Variants in LTBP1 observed in about 807,000 individuals in gnomAD.
LTBP1 encodes the protein latent transforming growth factor beta binding protein 1.
Under a neutral mutation model 207.6 loss-of-function variants are expected in LTBP1, and 129 were observed. The observed-to-expected ratio is 0.62, with a 90% confidence interval of 0.54 to 0.72. The LOEUF is 0.72. LTBP1 is among the 30% of genes least tolerant of loss of function. The pLI is 0.00. For synonymous variants in LTBP1, 963 were observed against 833.7 expected (o/e 1.16, Z -2.67); for missense variants, 2,281 against 2,217.2 (o/e 1.03, Z -0.58).
At chr2:33,055,440 A>G (rs2076950307) in intron 3 of LTBP1, among the ~76,000 whole-genome samples, 1 of 152,122 alleles carries the variant, frequency 6.6e-6, no homozygotes, top group Non-Finnish European at 1.5e-5. Flanking sequence ...AGGTCAACAG[A>G]TGTTTACAAC....
In LTBP1 at chr2:33,364,343, G is replaced by A. The variant is rs769364870; in HGVS notation, c.4527G>A (p.Pro1509=). 1.4e-5 allele frequency: 23 copies of A among 1,613,062 alleles called. No individual in the cohort carries two copies. The highest frequency in any genetic ancestry group is 1.6e-5 in the Non-Finnish European group (19 of 1,179,750). ...LDASEKRCIR[P]AESNEQIEET... ...CGTCAGAAAAAAGATGTATACGACC[G>A]GCTGAGTCAAACGGTATGTTTCCAG... The change falls in exon 30 of 34, where the codon CCG becomes CCA. Residue 1509 remains proline, a synonymous_variant. Coordinates refer to ENST00000404816, the MANE Select transcript of LTBP1 (RefSeq NM_206943.4).
chr2:33,177,232 G>A (rs2086155265), intron 5 of LTBP1, among the ~76,000 whole-genome samples: 1 of 152,168 alleles, frequency 6.6e-6, no homozygotes, highest in South Asian at 2.1e-4. Context: ...ATATCTCCTA[G>A]CACATTGCCT....
At chr2:33,190,060 G>C (rs553574062) in intron 7 of LTBP1, among the ~76,000 whole-genome samples, 3 of 152,204 alleles carry the variant, frequency 2.0e-5, no homozygotes, top group Admixed American at 6.5e-5. Context: ...TAACTTGCAA[G>C]GTGTAGTGCA....
chr2:33,197,941 T>G (rs1233804874), intron 7 of LTBP1, among the ~76,000 whole-genome samples: 3 of 152,160 alleles, frequency 2.0e-5, no homozygotes, highest in Non-Finnish European at 4.4e-5. Flanking sequence ...TCAGAAAATT[T>G]TACATATAAA....
At chr2:32,954,732 T>G (rs1304570481) in intron 2 of LTBP1, among the ~76,000 whole-genome samples, 1 of 151,976 alleles carries the variant, frequency 6.6e-6, no homozygotes, top group Non-Finnish European at 1.5e-5. Context: ...GTTGGAGAGA[T>G]GGGCTATTCA....
chr2:33,124,435 A>G (rs1425863412), intron 4 of LTBP1, among the ~76,000 whole-genome samples: 2 of 152,194 alleles, frequency 1.3e-5, no homozygotes, highest in East Asian at 3.8e-4. Flanking sequence ...ATTCAAATGC[A>G]GAGTAAACCT....
intron 18 of LTBP1, 23 bp from the exon 19 acceptor site, chr2:33,280,016 G>A (rs774268034): frequency 1.2e-5 from 20 of 1,612,056 alleles, no homozygotes; most frequent in African/African-American, 6.7e-5. Context: ...AAATGTTCAC[G>A]ACCTAGGTTT....
At chr2:33,315,662 C>A (rs180867388) in intron 24 of LTBP1, among the ~76,000 whole-genome samples, 2 of 152,272 alleles carry the variant, frequency 1.3e-5, no homozygotes, top group East Asian at 3.9e-4. Context: ...AAATGTCTTG[C>A]GGCTGGGTGC....
intron 26 of LTBP1, among the ~76,000 whole-genome samples, chr2:33,358,022 C>G (rs1400009779): frequency 6.6e-6 from 1 of 152,114 alleles, no homozygotes; most frequent in Non-Finnish European, 1.5e-5. Context: ...GAAAAATGCT[C>G]TAGGAAGTTA....
At chr2:33,385,228 G>A (rs1408847194) in intron 31 of LTBP1, among the ~76,000 whole-genome samples, 2 of 152,162 alleles carry the variant, frequency 1.3e-5, no homozygotes, top group African/African-American at 4.8e-5. Flanking sequence ...TATTTACTGA[G>A]CTAGTTTCCC....
chr2:33,316,701 T>C (rs1458762823), intron 24 of LTBP1, among the ~76,000 whole-genome samples: 2 of 152,236 alleles, frequency 1.3e-5, no homozygotes, highest in Non-Finnish European at 2.9e-5. Flanking sequence ...ATGTAAATTT[T>C]ATATTTGGGG....
chr2:33,130,349 A>G (rs529656111), intron 4 of LTBP1, among the ~76,000 whole-genome samples: 13 of 152,290 alleles, frequency 8.5e-5, no homozygotes, highest in African/African-American at 3.1e-4. Context: ...AGTTGGATGC[A>G]CGCTAATGTG....
intron 19 of LTBP1, among the ~76,000 whole-genome samples, chr2:33,286,994 A>C (rs2093678209): frequency 6.6e-6 from 1 of 152,146 alleles, no homozygotes; most frequent in Non-Finnish European, 1.5e-5. Context: ...TGAAGAGTTA[A>C]TGGGTGCAGC....
At chr2:33,320,844 T>A (rs1466668533) in intron 24 of LTBP1, among the ~76,000 whole-genome samples, 1 of 152,194 alleles carries the variant, frequency 6.6e-6, no homozygotes, top group Non-Finnish European at 1.5e-5. Context: ...TGGTAGATGC[T>A]GGGGGCTGGT....
chr2:33,123,623 A>C (rs554355616), intron 4 of LTBP1, among the ~76,000 whole-genome samples: 40 of 152,228 alleles, frequency 2.6e-4, no homozygotes, highest in Non-Finnish European at 5.0e-4. Flanking sequence ...TACTCTGAGC[A>C]AGAAAATACA....
intron 18 of LTBP1, among the ~76,000 whole-genome samples, chr2:33,276,365 A>G (rs1476395732): frequency 1.3e-5 from 2 of 152,208 alleles, no homozygotes; most frequent in Non-Finnish European, 2.9e-5. Flanking sequence ...AGACTCCCCA[A>G]GAAGCATGGT....
intron 15 of LTBP1, among the ~76,000 whole-genome samples, chr2:33,264,054 G>C (rs1174341392): frequency 1.3e-5 from 2 of 151,528 alleles, no homozygotes; most frequent in East Asian, 3.9e-4. Flanking sequence ...AGGAGATTGA[G>C]ACCATCCTGG....
intron 7 of LTBP1, among the ~76,000 whole-genome samples, chr2:33,206,372 T>G (rs922805838): frequency 2.0e-4 from 31 of 152,124 alleles, no homozygotes; most frequent in African/African-American, 7.5e-4. Flanking sequence ...GCCTAAAATG[T>G]TTTTGGTTCC....
chr2:33,025,377 A>T (rs2075367175), intron 3 of LTBP1, among the ~76,000 whole-genome samples: 1 of 152,256 alleles, frequency 6.6e-6, no homozygotes, highest in Admixed American at 6.5e-5. Context: ...AAAGCTCTAA[A>T]GGTTGCTTGA....
Sources: allele counts gnomAD v4.1 joint callset (sites outside exome capture counted in the v4.1 genomes callset), GRCh38; gene constraint gnomAD v4.1.1; transcripts MANE v1.5; gene names NCBI Gene and HGNC (gene_info 2026-07-23, HGNC 2026-07-21).